LMBR1: variants seen among roughly 807,000 people sequenced by gnomAD.
LMBR1 encodes limb region 1 protein homolog.
LMBR1 carries 52 observed loss-of-function variants against 73.9 expected under a neutral mutation model. The ratio of observed to expected loss-of-function variants is 0.70; its 90% CI spans 0.56 to 0.89. The LOEUF (loss-of-function observed/expected upper bound fraction) is 0.89. Among genes scored for constraint, LMBR1 ranks in the 40% least tolerant of loss-of-function variants. The pLI is 0.00. For synonymous variants in LMBR1, 215 were observed against 209.4 expected, an observed-to-expected ratio of 1.03 and a Z score of -0.23; for missense variants, 539 against 579.8, an observed-to-expected ratio of 0.93 and a Z score of 0.72.
intron 9 of LMBR1, among the ~76,000 whole-genome samples, chr7:156,752,511 C>T (rs191289974): frequency 1.1e-4 from 16 of 152,218 alleles, no homozygotes; most frequent in African/African-American, 1.4e-4. Flanking sequence ...ACTAGGGGAG[C>T]GCTGGCATTA....
intron 15 of LMBR1, among the ~76,000 whole-genome samples, chr7:156,690,077 G>A (rs915121633): frequency 9.9e-5 from 15 of 152,256 alleles, no homozygotes; most frequent in African/African-American, 3.4e-4. Flanking sequence ...GTTCACTGAC[G>A]GAGGACACGG....
intron 5 of LMBR1, among the ~76,000 whole-genome samples, chr7:156,794,357 T>G (rs1829737564): frequency 1.3e-5 from 2 of 152,188 alleles, no homozygotes; most frequent in Admixed American, 6.5e-5. Flanking sequence ...CTAATTAACT[T>G]CTATGATCCC....
intron 15 of LMBR1, among the ~76,000 whole-genome samples, chr7:156,704,498 C>T (rs1339410876): frequency 2.4e-4 from 37 of 151,618 alleles, no homozygotes; most frequent in Admixed American, 2.4e-3. Context: ...ACTATTGCTC[C>T]GGATGCGCAG....
intron 8 of LMBR1, among the ~76,000 whole-genome samples, chr7:156,758,543 G>A (rs1489518406): frequency 6.6e-6 from 1 of 152,134 alleles, no homozygotes; most frequent in Non-Finnish European, 1.5e-5. Context: ...ATTTGGTGCT[G>A]TCCACACAGT....
intron 9 of LMBR1, among the ~76,000 whole-genome samples, chr7:156,754,200 ACCTCCCAATAG>A (rs1270736599): frequency 6.6e-6 from 1 of 152,040 alleles, no homozygotes. Flanking sequence ...CAAGAACAAA[ACCTCCCAATAG>A]CTTTATGCCT....
intron 9 of LMBR1, among the ~76,000 whole-genome samples, chr7:156,747,577 A>G (rs1268999984): frequency 1.3e-5 from 2 of 152,216 alleles, no homozygotes; most frequent in African/African-American, 4.8e-5. Flanking sequence ...AAATACAATT[A>G]TCTCCCTAAA....
At chr7:156,837,617 CAG>C (rs1837896591) in intron 1 of LMBR1, among the ~76,000 whole-genome samples, 1 of 151,982 alleles carries the variant, frequency 6.6e-6, no homozygotes, top group African/African-American at 2.4e-5. Flanking sequence ...CAAAAATTGA[CAG>C]ATACATTAAA....
chr7:156,816,165 A>T (rs1833884251), intron 4 of LMBR1, among the ~76,000 whole-genome samples: 1 of 152,136 alleles, frequency 6.6e-6, no homozygotes, highest in African/African-American at 2.4e-5. Flanking sequence ...ATAGTTTATC[A>T]AAAGCTAAAT....
rs59662290 is a variant in LMBR1 at position 156,686,615 on chromosome 7, T to C, written c.1387+1415A>G. Among the ~76,000 whole-genome samples the C allele has an allele frequency of 6.0e-3, 917 of 152,322 alleles. 21 individuals carry two copies. In the South Asian group the frequency reaches 0.079, roughly 13 times the overall value. On this transcript the variant is annotated intron_variant, in intron 16 of 16. Transcript: ENST00000353442. ...AACTCTTGCTAATTCTACTCTCTCTTATGGTCAAGGAACTGACATGCATAT... is the reference window on the plus strand; with the variant it reads ...AACTCTTGCTAATTCTACTCTCTCTCATGGTCAAGGAACTGACATGCATAT...
At chr7:156,748,907 T>C (rs1820336634) in intron 9 of LMBR1, among the ~76,000 whole-genome samples, 1 of 152,222 alleles carries the variant, frequency 6.6e-6, no homozygotes, top group Non-Finnish European at 1.5e-5. Context: ...GATTTTATAT[T>C]AGCATATATC....
At chr7:156,697,948 C>A (rs1367566717) in intron 15 of LMBR1, among the ~76,000 whole-genome samples, 1 of 152,202 alleles carries the variant, frequency 6.6e-6, no homozygotes, top group African/African-American at 2.4e-5. Flanking sequence ...GAGATCTTCA[C>A]AATTTATGTT....
chr7:156,711,038 C>T (rs936459902), intron 15 of LMBR1, among the ~76,000 whole-genome samples: 1 of 152,188 alleles, frequency 6.6e-6, no homozygotes, highest in Non-Finnish European at 1.5e-5. Context: ...AGGCTGGATA[C>T]AGTGGCTCAC....
intron 15 of LMBR1, among the ~76,000 whole-genome samples, chr7:156,700,678 C>A (rs1042414073): frequency 6.6e-5 from 10 of 152,190 alleles, no homozygotes; most frequent in African/African-American, 1.9e-4. Context: ...TTCAACAAGT[C>A]TCTAGGAAGT....
intron 2 of LMBR1, among the ~76,000 whole-genome samples, chr7:156,835,259 C>T (rs1197859331): frequency 2.1e-5 from 3 of 146,316 alleles, no homozygotes; most frequent in African/African-American, 8.3e-5. Context: ...GCTTCAGTGT[C>T]AAGGGTGTAT....
rs1805060310 is a variant in LMBR1 at position 156,681,665 on chromosome 7, GAC to G, written c.*2411_*2412del. On this transcript the variant is annotated 3_prime_UTR_variant, in exon 17 of 17. Coordinates refer to ENST00000353442, the MANE Select transcript of LMBR1 (RefSeq NM_022458.4). The stretch of plus-strand genomic sequence containing the variant: ...AGAGAATAAAAGGACTGCTTGATGT[GAC>G]AGTCACTGGTGCATCCCTATCCAGT... The G allele has an allele frequency of 6.6e-6, 1 of 152,358 alleles. No individual in the cohort carries two copies. Among genetic ancestry groups the G allele is most frequent in the African/African-American group, 2.4e-5 (1 of 41,458 alleles). 9.4% of individuals were successfully genotyped at this position (152,358 alleles called of 1,614,324 possible). A position where few individuals can be genotyped will look rare whatever the true frequency, so the allele number is the denominator to read the frequency against.
chr7:156,874,249 C>G (rs1008731317), intron 1 of LMBR1, among the ~76,000 whole-genome samples: 39 of 152,250 alleles, frequency 2.6e-4, no homozygotes, highest in African/African-American at 9.2e-4. Context: ...GGCCTGGGTG[C>G]TAAGTCCCTC....
rs1456296746 is a variant in LMBR1, at chr7:156,679,049, G to GA, written c.*5028dup. On this transcript the variant is annotated 3_prime_UTR_variant, in exon 17 of 17. Transcript: ENST00000353442. ...CAAGAAACTGAAAACCTAAAACAAAGAAAAAATGAGACTGCGGTTGTACTG... is the reference window on the plus strand; with the variant it reads ...CAAGAAACTGAAAACCTAAAACAAAGAAAAAAATGAGACTGCGGTTGTACTG... The GA allele has an allele frequency of 6.6e-6, 1 of 152,134 alleles. No individual in the cohort carries two copies. Among genetic ancestry groups the GA allele is most frequent in the Non-Finnish European group, 1.5e-5 (1 of 68,038 alleles). 9.4% of individuals were successfully genotyped at this position (152,134 alleles called of 1,614,324 possible). A position where few individuals can be genotyped will look rare whatever the true frequency, so the allele number is the denominator to read the frequency against.
At chr7:156,779,975 G>A (rs1477099313) in intron 5 of LMBR1, among the ~76,000 whole-genome samples, 1 of 152,082 alleles carries the variant, frequency 6.6e-6, no homozygotes, top group East Asian at 1.9e-4. Context: ...GAAAATAAAA[G>A]CAGGTATTAA....
At chr7:156,698,260 ACAGGCTGGTATTGGTTTTC>A (rs1259074093) in intron 15 of LMBR1, among the ~76,000 whole-genome samples, 2 of 152,166 alleles carry the variant, frequency 1.3e-5, no homozygotes, top group African/African-American at 4.8e-5. Context: ...AGCTGCTTTC[ACAGGCTGGTATTGGTTTTC>A]CAGGCACACA....
Sources: allele counts gnomAD v4.1 joint callset (sites outside exome capture counted in the v4.1 genomes callset), GRCh38; gene constraint gnomAD v4.1.1; transcripts MANE v1.5; gene names NCBI Gene and HGNC (gene_info 2026-07-23, HGNC 2026-07-21).